The following TSACC variants were observed in gnomAD, a reference collection of about 807,000 sequenced individuals.
TSACC encodes the protein TSSK6 activating cochaperone.
TSACC carries 3 observed loss-of-function variants against 6.9 expected under a neutral mutation model. The observed-to-expected ratio is 0.43, with a 90% CI of 0.20 to 1.12. The LOEUF is 1.12. Among genes scored for constraint, TSACC ranks in the 50% most tolerant of loss-of-function variants. The pLI, the probability that TSACC is intolerant of heterozygous loss-of-function variation, is 0.28. For synonymous variants in TSACC, 54 were observed against 55.1 expected (o/e 0.98, Z 0.09); for missense variants, 137 against 143.9 (o/e 0.95, Z 0.24).
At chr1:156,346,193 C>CAAAAAAA (rs60688957) in intron 3 of TSACC, among the ~76,000 whole-genome samples, 2 of 53,550 alleles carry the variant, frequency 3.7e-5, no homozygotes, top group African/African-American at 6.4e-5. Flanking sequence ...ACTCCGTCTC[C>CAAAAAAA]AAAAAAAAAA....
chr1:156,341,789 C>T (rs961774823), intron 2 of TSACC, among the ~76,000 whole-genome samples: 11 of 152,168 alleles, frequency 7.2e-5, no homozygotes, highest in Admixed American at 3.3e-4. Context: ...CTTGGCCGGG[C>T]GCAGTGGCTC....
intron 2 of TSACC, among the ~76,000 whole-genome samples, chr1:156,343,132 G>A (rs1005907751): frequency 2.0e-5 from 3 of 152,084 alleles, no homozygotes; most frequent in Non-Finnish European, 2.9e-5. Context: ...CTTGAGCTCC[G>A]GTGCCAGCTC....
chr1:156,338,171 C>A (rs372914739), upstream of TSACC: 2 of 1,589,198 alleles, frequency 1.3e-6, no homozygotes, highest in Admixed American at 3.7e-5. Context: ...GAGCACTGGA[C>A]GATGGCCCAT....
At chr1:156,346,674 A>G (rs529116898) in intron 3 of TSACC, 94 bp from the exon 4 acceptor site, 19 of 1,241,022 alleles carry the variant, frequency 1.5e-5, no homozygotes, top group Non-Finnish European at 2.2e-5. Flanking sequence ...GAAAGATTGG[A>G]GAGGTCATTT....
chr1:156,344,620 A>C lies in TSACC; in HGVS notation c.75A>C (p.Arg25Ser). The C allele has an allele frequency of 6.2e-7, 1 of 1,614,096 alleles. No homozygotes were observed. The highest frequency in any genetic ancestry group is 8.5e-7 in the Non-Finnish European group (1 of 1,180,000). The change falls in exon 3 of 4, where the codon AGA becomes AGC. Residue 25 changes from arginine to serine, a missense_variant. Transcript: ENST00000368254. Reference sequence around the variant, plus strand: ...AAGCTAATGCTGTGCCTCTCTGTAGAGCAAAACCCTCCCCCAGCTATATTA... The same window carrying C: ...AAGCTAATGCTGTGCCTCTCTGTAGCGCAAAACCCTCCCCCAGCTATATTA... Reference protein sequence around the residue: ...KEEANAVPLCRAKPSPSYINL... With the variant: ...KEEANAVPLCSAKPSPSYINL...
chr1:156,342,971 C>T (rs761143716), intron 2 of TSACC, among the ~76,000 whole-genome samples: 4 of 152,230 alleles, frequency 2.6e-5, no homozygotes, highest in Non-Finnish European at 5.9e-5. Flanking sequence ...CCCTTGTCTA[C>T]TTTGCCACTT....
At chr1:156,343,897 C>T (rs1570958756) in intron 2 of TSACC, among the ~76,000 whole-genome samples, 2 of 152,030 alleles carry the variant, frequency 1.3e-5, no homozygotes, top group Non-Finnish European at 1.5e-5. Context: ...TCTGCCACCA[C>T]GCCCGGCTAG....
rs1666063051 is a variant in TSACC at position 156,344,568 on chromosome 1, T to C, written c.35-12T>C. On this transcript the variant is annotated splice_polypyrimidine_tract_variant and intron_variant, in intron 2 of 3. Transcript: ENST00000368254. ...GTTGGAATGAGCTCTGATTTAGTTA[T>C]CTCTGATTTAGTTCCAGCCAAAGAG... The C allele has an allele frequency of 6.2e-7, 1 of 1,612,810 alleles. No homozygotes were observed. Among genetic ancestry groups the C allele is most frequent in the Non-Finnish European group, 8.5e-7 (1 of 1,179,622 alleles).
At chr1:156,344,534 C>A (rs777094595) in intron 2 of TSACC, 46 bp from the exon 3 acceptor site, 1 of 1,600,760 alleles carries the variant, frequency 6.2e-7, no homozygotes. Flanking sequence ...ATTAGAAAGG[C>A]TGTCCCTTGT....
At chr1:156,344,071 C>T (rs1666038028) in intron 2 of TSACC, among the ~76,000 whole-genome samples, 1 of 152,066 alleles carries the variant, frequency 6.6e-6, no homozygotes, top group Non-Finnish European at 1.5e-5. Flanking sequence ...CAGTAAATAT[C>T]CTCTACCTGA....
At chr1:156,342,674 C>G (rs1184054175) in intron 2 of TSACC, among the ~76,000 whole-genome samples, 1 of 152,328 alleles carries the variant, frequency 6.6e-6, no homozygotes, top group African/African-American at 2.4e-5. Context: ...AGGTCAGTTG[C>G]TTTCATAGCA....
intron 1 of TSACC, chr1:156,338,944 T>G (rs1240293312): frequency 6.6e-6 from 1 of 152,458 alleles, no homozygotes; most frequent in African/African-American, 2.4e-5. Context: ...TTGCGTTTCC[T>G]TAAGTTATCC....
Position 156,346,680 on chromosome 1 carries a change from C to T in TSACC, c.164-88C>T. ...TTGTGCCTGGAAAGATTGGAGAGGT[C>T]ATTTTATTAGGGTCCTTCCAACCTC... On this transcript the variant is annotated intron_variant, in intron 3 of 3. Coordinates refer to ENST00000368254, the MANE Select transcript of TSACC (RefSeq NM_001304817.2). 6.1e-6 allele frequency: 8 copies of T among 1,321,178 alleles called. No homozygotes were observed. In the South Asian group the frequency reaches 9.0e-5, roughly 15 times the overall value. The allele number at this position is 1,321,178 out of a possible 1,614,324, so 81.8% of individuals were successfully genotyped here.
rs778194020 is a variant in TSACC at position 156,346,878 on chromosome 1, G to T, written c.274G>T (p.Ala92Ser). 3.7e-6 allele frequency: 6 copies of T among 1,614,128 alleles called. No individual in the cohort carries two copies. Among genetic ancestry groups the T allele is most frequent in the Non-Finnish European group, 5.1e-6 (6 of 1,180,012 alleles). Residue 92 changes from alanine to serine, a missense_variant, in exon 4 of 4, where the codon GCA (alanine) becomes TCA (serine). Transcript: ENST00000368254. ...GATGGCTGTTTTGGAACATTTACAG[G>T]CATCTGTGACACAACTGGCTCCTGG... is the stretch of plus-strand genomic sequence containing the variant. ...QQMAVLEHLQ[A>S]SVTQLAPGRG...
upstream of TSACC, chr1:156,338,452 G>A (rs962501097): frequency 5.5e-5 from 31 of 561,874 alleles, no homozygotes; most frequent in Middle Eastern, 4.7e-4. Context: ...GGAGGGCACA[G>A]GCGCTTGCGC....
chr1:156,345,544 C>G (rs1254784368), intron 3 of TSACC, among the ~76,000 whole-genome samples: 1 of 150,540 alleles, frequency 6.6e-6, no homozygotes, highest in Non-Finnish European at 1.5e-5. Context: ...GCCTGGGCAA[C>G]AAGAGTGAAA....
At chr1:156,343,062 A>G (rs1665982392) in intron 2 of TSACC, among the ~76,000 whole-genome samples, 1 of 152,044 alleles carries the variant, frequency 6.6e-6, no homozygotes, top group South Asian at 2.1e-4. Context: ...TTGGAGAGCT[A>G]ATGTATTTTT....
At chr1:156,340,492 G>A (rs1399504579) in intron 2 of TSACC, among the ~76,000 whole-genome samples, 1 of 87,234 alleles carries the variant, frequency 1.1e-5, no homozygotes, top group African/African-American at 4.3e-5. Flanking sequence ...ATAGAGTTTT[G>A]CTCTTGTTGC....
upstream of TSACC, chr1:156,337,570 A>G (rs886763203): frequency 6.1e-6 from 1 of 163,478 alleles, no homozygotes; most frequent in African/African-American, 2.4e-5. Context: ...TTACTTCGGG[A>G]AAAGGGATTG....
Sources: gnomAD v4.1 joint callset for allele counts (sites outside exome capture counted in the v4.1 genomes callset) on GRCh38, gnomAD v4.1.1 for gene constraint, MANE v1.5 for transcripts, NCBI Gene and HGNC (gene_info 2026-07-23, HGNC 2026-07-21) for gene names.